Variants in DDR2 observed in about 807,000 individuals in gnomAD.
DDR2 encodes discoidin domain receptor tyrosine kinase 2, also known as discoidin domain-containing receptor 2.
In DDR2, 27 loss-of-function variants were observed where a neutral mutation model predicts 94.9. The ratio of observed to expected loss-of-function variants is 0.28; its 90% CI spans 0.21 to 0.39. DDR2 has a LOEUF of 0.39. Ranked by LOEUF, DDR2 falls within the 10% of genes least tolerant of loss-of-function variation. The pLI, the probability that DDR2 is intolerant of heterozygous loss-of-function variation, is 1.00. For synonymous variants in DDR2, 382 were observed against 377.2 expected, an observed-to-expected ratio of 1.01 and a Z score of -0.15; for missense variants, 783 against 1,076.0, an observed-to-expected ratio of 0.73 and a Z score of 3.81.
At position 162,719,083 on chromosome 1, in the gene DDR2, T is replaced by C; in HGVS notation, c.20T>C (p.Met7Thr). 1 of 1,613,904 alleles carries C rather than the reference T, an allele frequency of 6.2e-7. No homozygotes were observed. ...TCTGAGATGATCCTGATTCCCAGAATGCTCTTGGTGCTGTTCCTGCTGCTG... is the reference window on the plus strand; with the variant it reads ...TCTGAGATGATCCTGATTCCCAGAACGCTCTTGGTGCTGTTCCTGCTGCTG... The part of the protein sequence containing the change: MILIPR[M>T]LLVLFLLLPI... Residue 7 changes from methionine to threonine, a missense_variant, in exon 3 of 18, where the codon ATG becomes ACG. Physicochemically the swap from Met to Thr is moderately conservative, Grantham distance 81. This residue lies in a region of DDR2 where 519 missense variants were observed against 647.9 expected (regional missense o/e 0.80). Transcript: ENST00000367921.
At chr1:162,728,184 A>ATATATATAGATAGATATATCTT (rs1558050040) in intron 3 of DDR2, among the ~76,000 whole-genome samples, 2 of 140,520 alleles carry the variant, frequency 1.4e-5, no homozygotes, top group African/African-American at 5.5e-5. Flanking sequence ...ATATCTCTTT[A>ATATATATAGATAGATATATCTT]TATATATATA....
At position 162,776,192 on chromosome 1, in the gene DDR2, C is replaced by T. The variant is rs2102198621; in HGVS notation, c.2105C>T (p.Ser702Phe). The T allele has an allele frequency of 6.2e-7, 1 of 1,613,574 alleles. No homozygotes were observed. Among genetic ancestry groups the T allele is most frequent in the Admixed American group, 1.7e-5 (1 of 59,972 alleles). Reference sequence around the variant, plus strand: ...ATTGCCTCTGGCATGAAGTACCTTTCCTCTCTTAATTTTGTTCACCGAGAT... The same window carrying T: ...ATTGCCTCTGGCATGAAGTACCTTTTCTCTCTTAATTTTGTTCACCGAGAT... ...TQIASGMKYL[S>F]SLNFVHRDLA... Residue 702 changes from serine (S) to phenylalanine (F), a missense_variant, in exon 16 of 18, where the codon TCC becomes TTC. Around this residue, in one of 2 missense-constraint regions of DDR2, gnomAD observed 264 missense variants for 428.2 expected, o/e 0.62. Coordinates refer to ENST00000367921, the MANE Select transcript of DDR2 (RefSeq NM_006182.4).
intron 3 of DDR2, among the ~76,000 whole-genome samples, chr1:162,739,482 T>G (rs1571269068): frequency 6.6e-6 from 1 of 152,148 alleles, no homozygotes; most frequent in East Asian, 1.9e-4. Flanking sequence ...AATTTTTGTA[T>G]TTTTGATGGA....
chr1:162,760,060 A>C, intron 8 of DDR2, 81 bp downstream of exon 8: 1 of 1,590,118 alleles, frequency 6.3e-7, no homozygotes, highest in Non-Finnish European at 8.6e-7. Context: ...GCTAGAAAAA[A>C]GTCTAGGCTG....
intron 2 of DDR2, among the ~76,000 whole-genome samples, chr1:162,660,113 T>C (rs1289775200): frequency 2.0e-5 from 3 of 152,184 alleles, no homozygotes; most frequent in African/African-American, 7.2e-5. Flanking sequence ...CCATTTATGA[T>C]GGATGAGAGG....
At chr1:162,770,053 G>C (rs1026752550) in intron 11 of DDR2, among the ~76,000 whole-genome samples, 1 of 151,604 alleles carries the variant, frequency 6.6e-6, no homozygotes, top group Non-Finnish European at 1.5e-5. Context: ...TTTTTTTTAA[G>C]TGTTTCAGAA....
At chr1:162,731,286 A>T (rs1387044559) in intron 3 of DDR2, among the ~76,000 whole-genome samples, 1 of 152,210 alleles carries the variant, frequency 6.6e-6, no homozygotes, top group Non-Finnish European at 1.5e-5. Flanking sequence ...GTTGAAACCC[A>T]TCATCAGCCA....
intron 3 of DDR2, among the ~76,000 whole-genome samples, chr1:162,732,613 A>T (rs1250244497): frequency 6.6e-6 from 1 of 152,218 alleles, no homozygotes; most frequent in Non-Finnish European, 1.5e-5. Context: ...TTATGATTGC[A>T]GATGTCCCTT....
At chr1:162,670,540 A>G (rs191127437) in intron 2 of DDR2, among the ~76,000 whole-genome samples, 62 of 152,326 alleles carry the variant, frequency 4.1e-4, no homozygotes, top group African/African-American at 1.5e-3. Flanking sequence ...CAACACCTAG[A>G]TCAGTGTTTC....
chr1:162,725,919 A>C (rs1206534805), intron 3 of DDR2, among the ~76,000 whole-genome samples: 3 of 152,242 alleles, frequency 2.0e-5, no homozygotes, highest in African/African-American at 2.4e-5. Context: ...ATTTAATCTA[A>C]TCTTGTACAA....
chr1:162,746,254 C>T (rs762269065), intron 3 of DDR2, among the ~76,000 whole-genome samples: 15 of 152,288 alleles, frequency 9.8e-5, no homozygotes, highest in Middle Eastern at 3.4e-3. Context: ...CCTGGAAAAT[C>T]GGGACACTCC....
At chr1:162,739,141 CA>C in intron 3 of DDR2, among the ~76,000 whole-genome samples, 1 of 132,862 alleles carries the variant, frequency 7.5e-6, no homozygotes, top group Admixed American at 7.8e-5. Flanking sequence ...TTCTGCACAG[CA>C]AAAGAAACTA....
chr1:162,647,912 C>T (rs1303267413), intron 1 of DDR2, among the ~76,000 whole-genome samples: 1 of 152,170 alleles, frequency 6.6e-6, no homozygotes, highest in Admixed American at 6.5e-5. Context: ...CCTGTCTCAT[C>T]CTGGGACTAA....
intron 3 of DDR2, among the ~76,000 whole-genome samples, chr1:162,738,059 C>G (rs1346712687): frequency 2.0e-5 from 3 of 151,066 alleles, no homozygotes. Context: ...GACAGGGATG[C>G]CCTCTCTCAC....
At chr1:162,767,138 G>A (rs752899784) in intron 10 of DDR2, 91 bp from the exon 11 acceptor site, 238 of 1,575,868 alleles carry the variant, frequency 1.5e-4, no homozygotes, top group Non-Finnish European at 1.9e-4. Context: ...TCAAGGAACA[G>A]GGTCTACCTC....
intron 1 of DDR2, among the ~76,000 whole-genome samples, chr1:162,639,413 C>T (rs78848771): frequency 0.016 from 2,417 of 152,316 alleles, 91 homozygotes; most frequent in East Asian, 0.13. Flanking sequence ...ACAAATGGTG[C>T]TGGAACAATT....
chr1:162,776,079 C>T, intron 15 of DDR2, 57 bp from the exon 16 acceptor site: 3 of 1,477,892 alleles, frequency 2.0e-6, no homozygotes, highest in South Asian at 1.1e-5. Context: ...GAATGTGTAC[C>T]TTTCACATCT....
At chr1:162,755,388 G>A (rs1007148717) in intron 6 of DDR2, 85 bp downstream of exon 6, 1 of 1,535,896 alleles carries the variant, frequency 6.5e-7, no homozygotes, top group African/African-American at 1.4e-5. Flanking sequence ...AGAAAGGGAT[G>A]GGATCAGTTA....
chr1:162,643,157 C>T (rs536188366), intron 1 of DDR2, among the ~76,000 whole-genome samples: 3 of 152,216 alleles, frequency 2.0e-5, no homozygotes, highest in East Asian at 3.9e-4. Context: ...ATTTTCATGA[C>T]TTAAGGTACC....
Sources: allele counts gnomAD v4.1 joint callset (sites outside exome capture counted in the v4.1 genomes callset), GRCh38; gene constraint gnomAD v4.1.1; regional missense constraint gnomAD v4.1.1; transcripts MANE v1.5; gene names NCBI Gene and HGNC (gene_info 2026-07-23, HGNC 2026-07-21).